The following ADAMTS3 variants were observed in gnomAD, a reference collection of about 807,000 sequenced individuals.
ADAMTS3 encodes the protein A disintegrin and metalloproteinase with thrombospondin motifs 3.
ADAMTS3 carries 73 observed loss-of-function variants against 129.0 expected under a neutral mutation model. The observed-to-expected ratio is 0.57, with a 90% CI of 0.47 to 0.69. ADAMTS3 has a LOEUF of 0.69. Among genes scored for constraint, ADAMTS3 ranks in the 30% least tolerant of loss-of-function variants. The probability of loss-of-function intolerance (pLI) is 0.00; values close to 1 mark genes in which losing one functional copy is unlikely to be tolerated. For synonymous variants in ADAMTS3, 477 were observed against 510.8 expected, an observed-to-expected ratio of 0.93 and a Z score of 0.89; for missense variants, 1,457 against 1,514.5, an observed-to-expected ratio of 0.96 and a Z score of 0.63.
At chr4:72,312,566 C>T in intron 12 of ADAMTS3, 100 bp from the exon 13 acceptor site, 1 of 1,154,074 alleles carries the variant, frequency 8.7e-7, no homozygotes, top group Non-Finnish European at 1.2e-6. Context: ...AGTTTCTGGG[C>T]TGCCAGCACA....
At chr4:72,344,850 A>G (rs1179377559) in intron 4 of ADAMTS3, among the ~76,000 whole-genome samples, 2 of 152,146 alleles carry the variant, frequency 1.3e-5, no homozygotes, top group African/African-American at 4.8e-5. Context: ...TAGACTCACC[A>G]TACCAGCCCT....
intron 2 of ADAMTS3, among the ~76,000 whole-genome samples, chr4:72,551,285 G>C (rs1721639897): frequency 6.6e-6 from 1 of 151,902 alleles, no homozygotes; most frequent in Admixed American, 6.6e-5. Flanking sequence ...AAAAACGCAG[G>C]GAGCCTTCTC....
In ADAMTS3 at chr4:72,549,976, AGAAGAAGAAGAAGAAGAGGAAGAG is replaced by A. The variant is rs1560563767; in HGVS notation, c.98-1116_98-1093del. ...AAAAAAAAAAAAAAGAAGAAGAAGA[AGAAGAAGAAGAAGAAGAGGAAGAG>A]GAAGAAGAAGAAGAAGAAGAAGAAG... is the stretch of plus-strand genomic sequence containing the variant. On this transcript the variant is annotated intron_variant, in intron 2 of 21. Coordinates refer to ENST00000286657, the MANE Select transcript of ADAMTS3 (RefSeq NM_014243.3). Among the ~76,000 whole-genome samples the A allele has an allele frequency of 1.6e-3, 49 of 29,854 alleles. 3 individuals carry two copies. Among genetic ancestry groups the A allele is most frequent in the African/African-American group, 0.01 (46 of 4,432 alleles). The allele number at this position is 29,854 out of a possible 152,430, so 19.6% of individuals were successfully genotyped here. A position where few individuals can be genotyped will look rare whatever the true frequency, so the allele number is the denominator to read the frequency against.
At chr4:72,424,398 A>G (rs925687531) in intron 3 of ADAMTS3, among the ~76,000 whole-genome samples, 6 of 152,054 alleles carry the variant, frequency 3.9e-5, no homozygotes, top group African/African-American at 1.4e-4. Flanking sequence ...GGCGGCAAAA[A>G]ATAAAATTTG....
At chr4:72,324,397 G>A (rs944244176) in intron 5 of ADAMTS3, among the ~76,000 whole-genome samples, 6 of 151,992 alleles carry the variant, frequency 3.9e-5, no homozygotes, top group Non-Finnish European at 7.4e-5. Flanking sequence ...TAGACTGAAA[G>A]CATACTTACT....
At chr4:72,370,117 A>G (rs937726119) in intron 4 of ADAMTS3, among the ~76,000 whole-genome samples, 1 of 152,192 alleles carries the variant, frequency 6.6e-6, no homozygotes, top group Non-Finnish European at 1.5e-5. Flanking sequence ...TTGTGTTCCT[A>G]GAGCCCGGTC....
intron 3 of ADAMTS3, among the ~76,000 whole-genome samples, chr4:72,430,699 G>A (rs1384117941): frequency 6.6e-6 from 1 of 151,878 alleles, no homozygotes; most frequent in African/African-American, 2.4e-5. Context: ...TGGAATTAGA[G>A]TTAATGTAGA....
At chr4:72,519,606 AC>A (rs1219432287) in intron 3 of ADAMTS3, among the ~76,000 whole-genome samples, 1 of 151,988 alleles carries the variant, frequency 6.6e-6, no homozygotes, top group Non-Finnish European at 1.5e-5. Flanking sequence ...CGTCACTGAT[AC>A]CCTTTCTTCC....
At chr4:72,357,950 G>T (rs1720624534) in intron 4 of ADAMTS3, among the ~76,000 whole-genome samples, 1 of 151,904 alleles carries the variant, frequency 6.6e-6, no homozygotes, top group Non-Finnish European at 1.5e-5. Flanking sequence ...ACATTATGTA[G>T]CAATCTAAAT....
chr4:72,486,458 G>T (rs1011102966), intron 3 of ADAMTS3, among the ~76,000 whole-genome samples: 2 of 152,148 alleles, frequency 1.3e-5, no homozygotes, highest in African/African-American at 4.8e-5. Context: ...TAGGTTCTAT[G>T]TCTATTTCAC....
At position 72,290,407 on chromosome 4, in the gene ADAMTS3, G is replaced by T. The variant is rs148929131; in HGVS notation, c.2931+448C>A. ...AGGAGAGATTATCAGGTAGGAGGAG[G>T]GGGAGTACAAGTCAGCTGAAAGGTA... On this transcript the variant is annotated intron_variant, in intron 20 of 21. Coordinates refer to ENST00000286657, the MANE Select transcript of ADAMTS3 (RefSeq NM_014243.3). 7.9e-5 allele frequency among the ~76,000 whole-genome samples: 12 copies of T among 152,202 alleles called. No individual in the cohort carries two copies. In the East Asian group the frequency reaches 2.1e-3, roughly 27 times the overall value.
At chr4:72,297,963 A>G (rs1718850013) in intron 18 of ADAMTS3, among the ~76,000 whole-genome samples, 1 of 152,160 alleles carries the variant, frequency 6.6e-6, no homozygotes, top group African/African-American at 2.4e-5. Context: ...GATGAGGACC[A>G]GAGTACACTG....
chr4:72,388,001 A>G (rs1721491696), intron 4 of ADAMTS3, among the ~76,000 whole-genome samples: 1 of 152,216 alleles, frequency 6.6e-6, no homozygotes, highest in Non-Finnish European at 1.5e-5. Context: ...AGCAGCCAAT[A>G]TCTGTCTTAT....
In ADAMTS3 at chr4:72,568,815, A is replaced by ACCCCCCCCC; in HGVS notation, c.-54_-53insGGGGGGGGG. 1 of 1,150,002 alleles carries ACCCCCCCCC rather than the reference A, an allele frequency of 8.7e-7. No homozygotes were observed. Among genetic ancestry groups the ACCCCCCCCC allele is most frequent in the Non-Finnish European group, 1.2e-6 (1 of 850,606 alleles). 71.2% of individuals were successfully genotyped at this position (1,150,002 alleles called of 1,614,324 possible). On this transcript the variant is annotated 5_prime_UTR_variant, in exon 1 of 22. Transcript: ENST00000286657. Reference sequence around the variant, plus strand: ...TGGGCAAAGCAAATGCCCAGAGCAAACCCACCCCCCCCGCCCAAAATAAGT... The same window carrying ACCCCCCCCC: ...TGGGCAAAGCAAATGCCCAGAGCAAACCCCCCCCCCCCACCCCCCCCGCCCAAAATAAGT...
intron 3 of ADAMTS3, among the ~76,000 whole-genome samples, chr4:72,537,323 T>C (rs929493160): frequency 1.3e-5 from 2 of 152,216 alleles, no homozygotes; most frequent in African/African-American, 2.4e-5. Flanking sequence ...AGTGATAGCC[T>C]TTTTTGTTAC....
In ADAMTS3 at chr4:72,319,474, A is replaced by G. The variant is rs2109807093; in HGVS notation, c.1210T>C (p.Leu404=). ...FVVAHETGHV[L]GMEHDGQGNR... is the part of the protein sequence containing the mutation. ...CCTTGTCCATCATGCTCCATTCCCA[A>G]CCTAGAACACAAAGAGACCTCAGTG... The change falls in exon 9 of 22, where the codon TTG becomes CTG. Residue 404 remains leucine (L), a splice_region_variant and synonymous_variant. Transcript: ENST00000286657. The G allele has an allele frequency of 6.2e-7, 1 of 1,609,176 alleles. No individual in the cohort carries two copies. The highest frequency in any genetic ancestry group is 8.5e-7 in the Non-Finnish European group (1 of 1,178,704).
intron 3 of ADAMTS3, among the ~76,000 whole-genome samples, chr4:72,530,654 A>G (rs1373976795): frequency 1.3e-5 from 1 of 75,258 alleles, no homozygotes; most frequent in Admixed American, 2.3e-4. Context: ...ATATAATATT[A>G]TATATATTAT....
At chr4:72,403,172 C>G (rs189884813) in intron 4 of ADAMTS3, among the ~76,000 whole-genome samples, 1 of 152,026 alleles carries the variant, frequency 6.6e-6, no homozygotes, top group Admixed American at 6.6e-5. Flanking sequence ...AAGACTAAAA[C>G]AGATGATCTC....
At chr4:72,449,839 T>C (rs1044510494) in intron 3 of ADAMTS3, among the ~76,000 whole-genome samples, 1 of 151,754 alleles carries the variant, frequency 6.6e-6, no homozygotes, top group Non-Finnish European at 1.5e-5. Flanking sequence ...TGCCCCTTAG[T>C]TTCTCCACAT....
Sources: gnomAD v4.1 joint callset for allele counts (sites outside exome capture counted in the v4.1 genomes callset) on GRCh38, gnomAD v4.1.1 for gene constraint, MANE v1.5 for transcripts, NCBI Gene and HGNC (gene_info 2026-07-23, HGNC 2026-07-21) for gene names.